Variants in ABCC6 observed in about 807,000 individuals in gnomAD.
ABCC6 encodes the protein ATP binding cassette subfamily C member 6, also known as ATP-binding cassette sub-family C member 6.
In ABCC6, 126 loss-of-function variants were observed where a neutral mutation model predicts 169.5. The ratio of observed to expected loss-of-function variants is 0.74; its 90% CI spans 0.64 to 0.86. The LOEUF (loss-of-function observed/expected upper bound fraction) is 0.86. ABCC6 is among the 40% of genes least tolerant of loss of function. ABCC6 has a pLI of 0.00. For missense variants in ABCC6, 1,733 were observed against 1,927.2 expected (o/e 0.90, Z 1.89); for synonymous variants, 752 against 814.7 (o/e 0.92, Z 1.31).
intron 10 of ABCC6, among the ~76,000 whole-genome samples, chr16:16,197,701 G>C (rs1176309801): frequency 2.1e-5 from 3 of 141,404 alleles, no homozygotes; most frequent in Non-Finnish European, 4.7e-5. Context: ...GGAGGGTGCA[G>C]GGAGGGGTGC....
intron 29 of ABCC6, among the ~76,000 whole-genome samples, chr16:16,152,192 CAAAAAAAAA>C (rs61339757): frequency 2.5e-4 from 10 of 40,318 alleles, no homozygotes; most frequent in East Asian, 2.2e-3. Flanking sequence ...GACTCTGTCT[CAAAAAAAAA>C]AAAAAAAAAA....
chr16:16,188,679 G>T, intron 13 of ABCC6, 152 bp downstream of exon 13: 5 of 1,133,074 alleles, frequency 4.4e-6, no homozygotes, highest in Non-Finnish European at 6.4e-6. Flanking sequence ...CTCTGTTCTT[G>T]CCCCTACCCG....
chr16:16,186,631 A>C (rs1287088758), intron 14 of ABCC6, among the ~76,000 whole-genome samples: 6 of 148,866 alleles, frequency 4.0e-5, no homozygotes, highest in Non-Finnish European at 8.9e-5. Flanking sequence ...TCTGTCTCCC[A>C]TCACCCGCTT....
At chr16:16,184,599 CA>C (rs1156312501) in intron 15 of ABCC6, among the ~76,000 whole-genome samples, 1 of 152,134 alleles carries the variant, frequency 6.6e-6, no homozygotes, top group East Asian at 1.9e-4. Context: ...CGGACTGATA[CA>C]GGAGGCACAG....
Position 16,195,026 on chromosome 16 carries a change from G to A in ABCC6, c.1339-2104C>T, listed in dbSNP as rs1245177998. ...TTGGGCCAGTTTGTTTCATTTATGC[G>A]GCAATGGCGCTACCTAGTGGCTCAA... On this transcript the variant is annotated intron_variant, in intron 10 of 30. Coordinates refer to ENST00000205557, the MANE Select transcript of ABCC6 (RefSeq NM_001171.6). Among the ~76,000 whole-genome samples, 4 of 152,114 alleles carry A rather than the reference G, an allele frequency of 2.6e-5. No homozygotes were observed. The East Asian group carries it at 7.7e-4, about 29-fold the overall frequency.
intron 13 of ABCC6, among the ~76,000 whole-genome samples, chr16:16,187,706 A>G (rs947314560): frequency 6.6e-6 from 1 of 152,116 alleles, no homozygotes; most frequent in Admixed American, 6.5e-5. Flanking sequence ...GACCTGGGGA[A>G]CATAGCAAGA....
intron 20 of ABCC6, among the ~76,000 whole-genome samples, chr16:16,175,447 A>G (rs893017755): frequency 6.6e-5 from 10 of 152,184 alleles, no homozygotes; most frequent in African/African-American, 2.4e-4. Context: ...AGCTGAGAAA[A>G]GAGGGGACCG....
intron 19 of ABCC6, among the ~76,000 whole-genome samples, chr16:16,176,782 A>G (rs1371441548): frequency 6.6e-6 from 1 of 152,172 alleles, no homozygotes; most frequent in Non-Finnish European, 1.5e-5. Context: ...AAGCCATGTA[A>G]CCTGGGACTA....
intron 11 of ABCC6, 59 bp downstream of exon 11, chr16:16,192,771 A>G: frequency 1.3e-6 from 2 of 1,501,518 alleles, no homozygotes; most frequent in Non-Finnish European, 1.8e-6. Context: ...CTCCCACACC[A>G]GGACCTGTGG....
chr16:16,169,046 C>T (rs2644991), intron 22 of ABCC6, among the ~76,000 whole-genome samples: 1 of 151,940 alleles, frequency 6.6e-6, no homozygotes, highest in Non-Finnish European at 1.5e-5. Context: ...GCAGCACTGC[C>T]CTCCAGCCCG....
intron 29 of ABCC6, among the ~76,000 whole-genome samples, chr16:16,151,575 C>A (rs2046388035): frequency 6.6e-6 from 1 of 152,130 alleles, no homozygotes; most frequent in South Asian, 2.1e-4. Context: ...CAGATGTGTA[C>A]AACACCTGGG....
intron 22 of ABCC6, 117 bp from the exon 23 acceptor site, chr16:16,166,050 C>A: frequency 9.8e-7 from 1 of 1,020,834 alleles, no homozygotes. Context: ...CTTGGCCACC[C>A]TGATTATTAT....
At chr16:16,168,413 G>A (rs992693438) in intron 22 of ABCC6, among the ~76,000 whole-genome samples, 10 of 152,140 alleles carry the variant, frequency 6.6e-5, no homozygotes, top group African/African-American at 1.4e-4. Context: ...TTGAGCCCAG[G>A]AGGCAGAGGT....
intron 13 of ABCC6, among the ~76,000 whole-genome samples, chr16:16,188,227 A>C (rs1042895173): frequency 1.4e-5 from 2 of 141,366 alleles, no homozygotes; most frequent in Admixed American, 7.0e-5. Flanking sequence ...TAAAAATACA[A>C]AAAAAAAAAA....
chr16:16,182,818 A>T lies in ABCC6; in HGVS notation c.2056T>A (p.Phe686Ile). 6.2e-7 allele frequency: 1 copy of T among 1,613,844 alleles called. No homozygotes were observed. The highest frequency in any genetic ancestry group is 8.5e-7 in the Non-Finnish European group (1 of 1,179,950). The change falls in exon 16 of 31, where the codon TTC (phenylalanine) becomes ATC (isoleucine). Residue 686 changes from phenylalanine (F) to isoleucine (I), a missense_variant. Phe to Ile is a conservative substitution (Grantham distance 21). This residue lies in a region of ABCC6 where 1,601 missense variants were observed against 1,635.5 expected (regional missense o/e 0.98). Transcript: ENST00000205557. ...LLGELSKVEG[F>I]VSIEGAVAYV... Reference sequence around the variant, plus strand: ...GGTGGCCTCACCTCGATGCTCACGAACCCCTCCACCTTTGACAGCTCCCCA... The same window carrying T: ...GGTGGCCTCACCTCGATGCTCACGATCCCCTCCACCTTTGACAGCTCCCCA...
At chr16:16,156,396 C>T (rs1169890308) in intron 27 of ABCC6, among the ~76,000 whole-genome samples, 1 of 152,166 alleles carries the variant, frequency 6.6e-6, no homozygotes, top group Admixed American at 6.5e-5. Flanking sequence ...TCCAGGTAAA[C>T]CACACCAAGT....
At position 16,198,090 on chromosome 16, in the gene ABCC6, G is replaced by A. The variant is rs528603039; in HGVS notation, c.1269C>T (p.Ser423=). The A allele has an allele frequency of 2.7e-5, 43 of 1,613,962 alleles. No homozygotes were observed. Among genetic ancestry groups the A allele is most frequent in the South Asian group, 1.5e-4 (14 of 91,028 alleles). Residue 423 remains serine (S), a synonymous_variant, in exon 10 of 31, where the codon AGC becomes AGT. Coordinates refer to ENST00000205557, the MANE Select transcript of ABCC6 (RefSeq NM_001171.6). ...GCCACAGCCCGTTGAGGTAGAGGAC[G>A]CTCTCGGTCAGCCGCTGCACGTCCA... The part of the protein sequence containing the change: ...VSVDVQRLTE[S]VLYLNGLWLP...
chr16:16,177,275 G>A (rs1272108180), intron 19 of ABCC6, among the ~76,000 whole-genome samples, 177 bp downstream of exon 19: 2 of 152,212 alleles, frequency 1.3e-5, no homozygotes, highest in Non-Finnish European at 2.9e-5. Context: ...CATGGATGAT[G>A]TTATCGGCTA....
intron 4 of ABCC6, among the ~76,000 whole-genome samples, chr16:16,216,247 A>G (rs2048869429): frequency 6.6e-6 from 1 of 152,086 alleles, no homozygotes; most frequent in Non-Finnish European, 1.5e-5. Context: ...AAAATGTACA[A>G]TTAAATTATT....
Sources: gnomAD v4.1 joint callset for allele counts (sites outside exome capture counted in the v4.1 genomes callset) on GRCh38, gnomAD v4.1.1 for gene constraint, gnomAD v4.1.1 regional missense constraint, MANE v1.5 for transcripts, NCBI Gene and HGNC (gene_info 2026-07-23, HGNC 2026-07-21) for gene names.